Variants in AJAP1 observed in about 807,000 individuals in gnomAD.
AJAP1 encodes the protein adherens junction-associated protein 1.
AJAP1 carries 5 observed loss-of-function variants against 35.0 expected under a neutral mutation model. That is an observed-to-expected ratio of 0.14 (90% CI 0.07 to 0.30). AJAP1 has a LOEUF of 0.30. AJAP1 is among the 10% of genes least tolerant of loss of function. AJAP1 has a pLI of 1.00. For synonymous variants in AJAP1, 284 were observed against 249.3 expected, an observed-to-expected ratio of 1.14 and a Z score of -1.31; for missense variants, 586 against 571.0, an observed-to-expected ratio of 1.03 and a Z score of -0.27.
Position 4,712,423 on chromosome 1 carries a change from C to T in AJAP1, c.553C>T (p.Pro185Ser). Reference sequence around the variant, plus strand: ...AGAGACTGAGTTCATCGCCTGGGGGCCCACGGGGGACGAGGAGGCCCTGGA... The same window carrying T: ...AGAGACTGAGTTCATCGCCTGGGGGTCCACGGGGGACGAGGAGGCCCTGGA... ...TTETEFIAWG[P>S]TGDEEALESN... Residue 185 changes from proline (P) to serine (S), a missense_variant, in exon 2 of 6, where the codon CCC (proline) becomes TCC (serine). Pro to Ser is a moderately conservative substitution (Grantham distance 74, BLOSUM62 -1). Coordinates refer to ENST00000378191, the MANE Select transcript of AJAP1 (RefSeq NM_018836.4). 1 of 1,600,836 alleles carries T rather than the reference C, an allele frequency of 6.2e-7. No homozygotes were observed. Among genetic ancestry groups the T allele is most frequent in the Non-Finnish European group, 8.5e-7 (1 of 1,174,020 alleles).
chr1:4,778,595 CTCTCTCTCTCTCTCTCTCTT>C (rs1641984824), intron 5 of AJAP1, among the ~76,000 whole-genome samples: 1 of 126,488 alleles, frequency 7.9e-6, no homozygotes, highest in African/African-American at 2.8e-5. Flanking sequence ...CTCTCTCTCT[CTCTCTCTCTCTCTCTCTCTT>C]CTCTCTGTCT....
At chr1:4,713,546 C>G (rs1570146216) in intron 2 of AJAP1, among the ~76,000 whole-genome samples, 2 of 152,316 alleles carry the variant, frequency 1.3e-5, no homozygotes, top group Admixed American at 1.3e-4. Flanking sequence ...AGGGCTTGTC[C>G]CTGAACTGGT....
At chr1:4,713,034 T>G (rs1640302243) in intron 2 of AJAP1, among the ~76,000 whole-genome samples, 1 of 152,108 alleles carries the variant, frequency 6.6e-6, no homozygotes, top group East Asian at 1.9e-4. Flanking sequence ...AGCCACGCCT[T>G]CCAGAATCAG....
rs1286353373 is a variant in AJAP1 at position 4,787,807 on chromosome 1, G to A, written c.*5322G>A. On this transcript the variant is annotated 3_prime_UTR_variant, in exon 6 of 6. Coordinates refer to ENST00000378191, the MANE Select transcript of AJAP1 (RefSeq NM_018836.4). ...CACGGGGCACGGGCACCTTGGGGAT[G>A]CCATTCTTCTTGGTGCCAGAAGGCA... 2.2e-5 allele frequency: 10 copies of A among 453,330 alleles called. No individual in the cohort carries two copies. Among genetic ancestry groups the A allele is most frequent in the Non-Finnish European group, 4.0e-5 (9 of 225,032 alleles). 28.1% of individuals were successfully genotyped at this position (453,330 alleles called of 1,614,324 possible).
intron 2 of AJAP1, among the ~76,000 whole-genome samples, chr1:4,748,010 C>CA (rs1469739395): frequency 6.7e-6 from 1 of 149,874 alleles, no homozygotes; most frequent in Non-Finnish European, 1.5e-5. Flanking sequence ...AAAAACAAAG[C>CA]AAAAAAACCC....
intron 2 of AJAP1, among the ~76,000 whole-genome samples, chr1:4,750,942 A>C (rs184720864): frequency 1.3e-4 from 19 of 150,550 alleles, no homozygotes; most frequent in African/African-American, 4.6e-4. Context: ...TGGGAGGGCC[A>C]GTGGAAAGGT....
At chr1:4,713,362 C>T (rs535448812) in intron 2 of AJAP1, among the ~76,000 whole-genome samples, 93 of 152,332 alleles carry the variant, frequency 6.1e-4, no homozygotes, top group African/African-American at 2.1e-3. Flanking sequence ...GGACGGAGAT[C>T]AGAACAAAGG....
chr1:4,675,367 A>G (rs1037606805), intron 1 of AJAP1, among the ~76,000 whole-genome samples: 3 of 152,238 alleles, frequency 2.0e-5, no homozygotes, highest in Non-Finnish European at 2.9e-5. Context: ...GGATCCACGC[A>G]TGGAGTTTCC....
chr1:4,667,791 G>A (rs1180546288), intron 1 of AJAP1, among the ~76,000 whole-genome samples: 1 of 152,186 alleles, frequency 6.6e-6, no homozygotes, highest in African/African-American at 2.4e-5. Flanking sequence ...TCCCACCCAA[G>A]CTGTGGGTCT....
chr1:4,702,069 G>A (rs1438759183), intron 1 of AJAP1, among the ~76,000 whole-genome samples: 4 of 152,092 alleles, frequency 2.6e-5, no homozygotes, highest in East Asian at 1.9e-4. Flanking sequence ...GTGTTCTAAC[G>A]TGTCCCCAGT....
At chr1:4,717,692 C>T (rs1215717342) in intron 2 of AJAP1, among the ~76,000 whole-genome samples, 4 of 152,194 alleles carry the variant, frequency 2.6e-5, no homozygotes, top group Admixed American at 1.3e-4. Context: ...GTCATTTTCT[C>T]TGCACCCCAG....
intron 2 of AJAP1, among the ~76,000 whole-genome samples, chr1:4,735,775 C>T (rs1238105315): frequency 6.6e-6 from 1 of 152,218 alleles, no homozygotes; most frequent in Non-Finnish European, 1.5e-5. Context: ...CCGCCTCCTC[C>T]GGGGTCCCAT....
intron 2 of AJAP1, among the ~76,000 whole-genome samples, chr1:4,749,629 G>A (rs1047509079): frequency 3.3e-5 from 5 of 152,232 alleles, no homozygotes; most frequent in African/African-American, 1.2e-4. Flanking sequence ...AGTGTATTTG[G>A]TGCATCTCCC....
At chr1:4,699,452 A>G (rs1639939368) in intron 1 of AJAP1, among the ~76,000 whole-genome samples, 1 of 152,194 alleles carries the variant, frequency 6.6e-6, no homozygotes, top group Admixed American at 6.5e-5. Flanking sequence ...GATATTTCCT[A>G]TGAAGACAGA....
At chr1:4,709,428 T>C (rs1257483637) in intron 1 of AJAP1, among the ~76,000 whole-genome samples, 1 of 149,894 alleles carries the variant, frequency 6.7e-6, no homozygotes, top group Non-Finnish European at 1.5e-5. Flanking sequence ...CCTGGTGAGG[T>C]CTGGTGAGGC....
intron 1 of AJAP1, among the ~76,000 whole-genome samples, chr1:4,696,751 T>C (rs1316783369): frequency 2.0e-5 from 3 of 152,202 alleles, no homozygotes; most frequent in African/African-American, 7.2e-5. Context: ...GTTCTGTGTG[T>C]GCATATGACT....
At chr1:4,663,778 C>A (rs1406024601) in intron 1 of AJAP1, among the ~76,000 whole-genome samples, 3 of 152,092 alleles carry the variant, frequency 2.0e-5, no homozygotes, top group Admixed American at 1.3e-4. Context: ...TCTTCGAGCT[C>A]TGTGTAGAGA....
intron 2 of AJAP1, among the ~76,000 whole-genome samples, chr1:4,735,375 C>T (rs1191832987): frequency 1.3e-5 from 2 of 152,170 alleles, no homozygotes; most frequent in Non-Finnish European, 2.9e-5. Flanking sequence ...GGGGTGAGAA[C>T]GCCTATTGGG....
chr1:4,702,688 T>G lies in AJAP1; in HGVS notation c.30-9212T>G, dbSNP rs187813149. Among the ~76,000 whole-genome samples the G allele has an allele frequency of 9.2e-5, 14 of 152,206 alleles. No individual in the cohort carries two copies. In the East Asian group the frequency reaches 2.7e-3, roughly 30 times the overall value. ...GTGCTCCTCCCTGTAAGTGTGGCCC[T>G]TGGTGTGCTGGGGCAGGGAGGAGGC... On this transcript the variant is annotated intron_variant, in intron 1 of 5. Coordinates refer to ENST00000378191, the MANE Select transcript of AJAP1 (RefSeq NM_018836.4).
Sources: gnomAD v4.1 joint callset for allele counts (sites outside exome capture counted in the v4.1 genomes callset) on GRCh38, gnomAD v4.1.1 for gene constraint, MANE v1.5 for transcripts, NCBI Gene and HGNC (gene_info 2026-07-23, HGNC 2026-07-21) for gene names.